Variants in DLGAP1 observed in about 807,000 individuals in gnomAD.
The protein encoded by DLGAP1 is disks large-associated protein 1.
Under a neutral mutation model 90.8 loss-of-function variants are expected in DLGAP1, and 11 were observed. The ratio of observed to expected loss-of-function variants is 0.12; its 90% CI spans 0.08 to 0.20. The LOEUF is 0.20. Ranked by LOEUF, DLGAP1 falls within the 10% of genes least tolerant of loss-of-function variation. DLGAP1 has a pLI of 1.00. For missense variants in DLGAP1, 1,050 were observed against 1,333.8 expected (o/e 0.79, Z 3.31); for synonymous variants, 558 against 540.7 (o/e 1.03, Z -0.44).
intron 3 of DLGAP1, among the ~76,000 whole-genome samples, chr18:3,963,008 T>C (rs186057471): frequency 6.6e-6 from 1 of 152,316 alleles, no homozygotes; most frequent in African/African-American, 2.4e-5. Context: ...GAAGGACTGG[T>C]TGAAGACTGA....
intron 2 of DLGAP1, among the ~76,000 whole-genome samples, chr18:4,014,935 T>C (rs888866203): frequency 6.6e-6 from 1 of 152,072 alleles, no homozygotes; most frequent in African/African-American, 2.4e-5. Context: ...CGGTGGATGG[T>C]GTGCTTTCAT....
rs59444096 is a variant in DLGAP1, at chr18:4,178,202, AACACACACACACACAC to A, written c.-266-26931_-266-26916del. ...TAGAAATCCTACGGGTCCTGGAATA[AACACACACACACACAC>A]ACACACACACACACACACACACACA... On this transcript the variant is annotated intron_variant, in intron 1 of 12. Coordinates refer to ENST00000315677, the MANE Select transcript of DLGAP1 (RefSeq NM_004746.4). Among the ~76,000 whole-genome samples, 417 of 118,474 alleles carry A rather than the reference AACACACACACACACAC, an allele frequency of 3.5e-3. 2 individuals are homozygous for A. Among genetic ancestry groups the A allele is most frequent in the South Asian group, 0.016 (48 of 2,922 alleles). The allele number at this position is 118,474 out of a possible 152,430, so 77.7% of individuals were successfully genotyped here.
chr18:4,354,442 A>G (rs1462162712), intron 1 of DLGAP1, among the ~76,000 whole-genome samples: 1 of 152,072 alleles, frequency 6.6e-6, no homozygotes, highest in Non-Finnish European at 1.5e-5. Flanking sequence ...TTACCCTTAG[A>G]TGAATATCTT....
intron 1 of DLGAP1, among the ~76,000 whole-genome samples, chr18:4,255,319 T>A (rs1283968599): frequency 6.6e-6 from 1 of 152,192 alleles, no homozygotes; most frequent in Non-Finnish European, 1.5e-5. Flanking sequence ...TTAATTCTTG[T>A]GTTTATTCAA....
Position 3,629,588 on chromosome 18 carries a change from C to T in DLGAP1, c.1592-47340G>A, listed in dbSNP as rs1002386028. The stretch of plus-strand genomic sequence containing the variant: ...TCGGGAGGCTGAGGCAGGAGAATGG[C>T]GTGAACCCGGGAGGCGGAGCTTGCA... On this transcript the variant is annotated intron_variant, in intron 7 of 12. Coordinates refer to ENST00000315677, the MANE Select transcript of DLGAP1 (RefSeq NM_004746.4). Among the ~76,000 whole-genome samples the T allele has an allele frequency of 1.1e-4, 17 of 152,026 alleles. No individual in the cohort carries two copies. The East Asian group carries it at 3.3e-3, about 29-fold the overall frequency.
chr18:4,361,985 G>A (rs550631687), intron 1 of DLGAP1, among the ~76,000 whole-genome samples: 7 of 152,218 alleles, frequency 4.6e-5, no homozygotes, highest in African/African-American at 1.4e-4. Context: ...TGAAAAGATG[G>A]TCAACATCAC....
At chr18:3,984,151 T>C (rs1250837873) in intron 3 of DLGAP1, 1 of 152,190 alleles carries the variant, frequency 6.6e-6, no homozygotes, top group Non-Finnish European at 1.5e-5. Flanking sequence ...ATCTTAATCA[T>C]TTTTCTTAAT....
chr18:3,672,577 CAAAAAAAAAAAAAA>C (rs60316690), intron 7 of DLGAP1, among the ~76,000 whole-genome samples: 3 of 39,586 alleles, frequency 7.6e-5, no homozygotes, highest in Non-Finnish European at 9.0e-5. Flanking sequence ...AACTCTATCT[CAAAAAAAAAAAAAA>C]AAAAAAAAAA....
chr18:3,822,022 C>T, intron 4 of DLGAP1: 3 of 697,550 alleles, frequency 4.3e-6, no homozygotes, highest in Non-Finnish European at 5.0e-6. Context: ...ATAGCAAAAA[C>T]AGAAAAAAAA....
intron 7 of DLGAP1, among the ~76,000 whole-genome samples, chr18:3,705,318 T>C (rs182627087): frequency 0.014 from 2,107 of 151,714 alleles, 52 homozygotes; most frequent in African/African-American, 0.047. Context: ...TTTTTTTTTT[T>C]CCAGGAAACT....
chr18:3,760,893 C>G (rs2063934738), intron 5 of DLGAP1, among the ~76,000 whole-genome samples: 1 of 152,174 alleles, frequency 6.6e-6, no homozygotes, highest in Admixed American at 6.5e-5. Context: ...GTGGATTTGG[C>G]TCTTCAATTC....
rs1010805832 is a variant in DLGAP1 at position 3,527,594 on chromosome 18, GT to G, written c.2479+6599del. On this transcript the variant is annotated intron_variant, in intron 10 of 12. Coordinates refer to ENST00000315677, the MANE Select transcript of DLGAP1 (RefSeq NM_004746.4). ...TTTTTTGTTTTGTTTTGTGTTTGTT[GT>G]TTTTTGTTTGTTTGAGACAGAGTCT... Among the ~76,000 whole-genome samples the G allele has an allele frequency of 4.0e-5, 6 of 151,320 alleles. No homozygotes were observed. The South Asian group carries it at 1.0e-3, about 26-fold the overall frequency.
intron 1 of DLGAP1, among the ~76,000 whole-genome samples, chr18:4,295,864 A>T (rs2079968821): frequency 6.6e-6 from 1 of 152,234 alleles, no homozygotes; most frequent in Non-Finnish European, 1.5e-5. Flanking sequence ...GCCTCCAGCT[A>T]TGCTTGTTAA....
intron 5 of DLGAP1, among the ~76,000 whole-genome samples, chr18:3,744,032 G>C (rs747151836): frequency 6.6e-6 from 1 of 152,140 alleles, no homozygotes; most frequent in Non-Finnish European, 1.5e-5. Flanking sequence ...CATTTTGGCT[G>C]TAACATTGTT....
At chr18:4,111,330 T>A (rs2075968801) in intron 2 of DLGAP1, among the ~76,000 whole-genome samples, 1 of 152,122 alleles carries the variant, frequency 6.6e-6, no homozygotes. Context: ...GTTGAAGATT[T>A]TCATGTCTAT....
At chr18:4,322,245 A>G (rs1157325056) in intron 1 of DLGAP1, among the ~76,000 whole-genome samples, 3 of 152,078 alleles carry the variant, frequency 2.0e-5, no homozygotes, top group African/African-American at 7.2e-5. Context: ...GAAAAGCATT[A>G]CAAAACTATA....
chr18:3,718,664 G>A (rs758704329), intron 7 of DLGAP1, among the ~76,000 whole-genome samples: 1 of 151,064 alleles, frequency 6.6e-6, no homozygotes, highest in Non-Finnish European at 1.5e-5. Flanking sequence ...GGTGGCTCAC[G>A]CCTGTAATCC....
At chr18:3,845,628 C>G (rs934618697) in intron 4 of DLGAP1, 1 of 985,096 alleles carries the variant, frequency 1.0e-6, no homozygotes, top group African/African-American at 1.7e-5. Flanking sequence ...TCAGTAAATT[C>G]TGGGCTATTG....
At chr18:4,357,497 G>A (rs1233738216) in intron 1 of DLGAP1, among the ~76,000 whole-genome samples, 1 of 152,046 alleles carries the variant, frequency 6.6e-6, no homozygotes, top group Non-Finnish European at 1.5e-5. Flanking sequence ...TTTCACTTCT[G>A]TATTCTCAGT....
Sources: allele counts gnomAD v4.1 joint callset (sites outside exome capture counted in the v4.1 genomes callset), GRCh38; gene constraint gnomAD v4.1.1; transcripts MANE v1.5; gene names NCBI Gene and HGNC (gene_info 2026-07-23, HGNC 2026-07-21).